The following TBXAS1 variants were observed in gnomAD, a reference collection of about 807,000 sequenced individuals.
TBXAS1 encodes the protein thromboxane A synthase 1.
In TBXAS1, 48 loss-of-function variants were observed where a neutral mutation model predicts 60.7. That is an observed-to-expected ratio of 0.79 (90% CI 0.63 to 1.01). TBXAS1 has a LOEUF of 1.01. TBXAS1 is among the 50% of genes least tolerant of loss of function. The pLI is 0.00. For missense variants in TBXAS1, 685 were observed against 686.3 expected (o/e 1.00, Z 0.02); for synonymous variants, 287 against 269.7 (o/e 1.06, Z -0.63).
At chr7:139,920,966 C>A (rs1806422650) in intron 4 of TBXAS1, among the ~76,000 whole-genome samples, 1 of 152,206 alleles carries the variant, frequency 6.6e-6, no homozygotes, top group South Asian at 2.1e-4. Flanking sequence ...ATCACATGCA[C>A]TGAACAACCA....
intron 5 of TBXAS1, among the ~76,000 whole-genome samples, chr7:139,949,254 C>T (rs1027313674): frequency 6.6e-6 from 1 of 152,270 alleles, no homozygotes; most frequent in East Asian, 1.9e-4. Flanking sequence ...TGTTCCATCT[C>T]TTTTGTTATG....
At chr7:139,942,047 C>G (rs755274918) in intron 5 of TBXAS1, among the ~76,000 whole-genome samples, 1 of 152,134 alleles carries the variant, frequency 6.6e-6, no homozygotes, top group Non-Finnish European at 1.5e-5. Flanking sequence ...TTCTGAGACT[C>G]TTGTAAGATT....
At chr7:139,922,860 C>A (rs1309113948) in intron 4 of TBXAS1, among the ~76,000 whole-genome samples, 1 of 152,106 alleles carries the variant, frequency 6.6e-6, no homozygotes, top group South Asian at 2.1e-4. Context: ...GCCCCAGTAC[C>A]ATTGTTGAAA....
rs1338852438 is a variant in TBXAS1 at position 139,957,532 on chromosome 7, C to T, written c.689-102C>T. 5 of 1,549,866 alleles carry T rather than the reference C, an allele frequency of 3.2e-6. No individual in the cohort carries two copies. In the Admixed American group the frequency reaches 6.8e-5, roughly 21 times the overall value. On this transcript the variant is annotated intron_variant, in intron 7 of 12. Transcript: ENST00000448866. Reference sequence around the variant, plus strand: ...CGGGGAGGGCAGGACTCCAAAACGGCTCCGATTCCAGGCCCGCGTTTGCTT... The same window carrying T: ...CGGGGAGGGCAGGACTCCAAAACGGTTCCGATTCCAGGCCCGCGTTTGCTT...
At chr7:139,951,990 G>GAGAGAAAGAAGGAAAGAAAGAA in intron 5 of TBXAS1, among the ~76,000 whole-genome samples, 2 of 148,348 alleles carry the variant, frequency 1.3e-5, no homozygotes, top group African/African-American at 2.5e-5. Context: ...AAGAAAGAAA[G>GAGAGAAAGAAGGAAAGAAAGAA]AAAGAAAGAA....
At chr7:139,804,569 G>A (rs1797796355) in intron 4 of TBXAS1, among the ~76,000 whole-genome samples, 1 of 152,188 alleles carries the variant, frequency 6.6e-6, no homozygotes, top group African/African-American at 2.4e-5. Context: ...TATATGGTTT[G>A]GCTGTGTCCC....
intron 1 of TBXAS1, among the ~76,000 whole-genome samples, chr7:139,846,686 C>T (rs917933285): frequency 3.3e-5 from 5 of 152,200 alleles, no homozygotes; most frequent in African/African-American, 7.2e-5. Flanking sequence ...TGAGGAGAGG[C>T]GTACTTCAAA....
chr7:139,815,944 G>C (rs1393428903), intron 4 of TBXAS1, among the ~76,000 whole-genome samples: 2 of 152,202 alleles, frequency 1.3e-5, no homozygotes. Flanking sequence ...GATATGGTTT[G>C]GCTCTGTGTC....
At position 139,938,659 on chromosome 7, in the gene TBXAS1, G is replaced by A. The variant is rs550000049; in HGVS notation, c.450+2352G>A. 4.1e-4 allele frequency among the ~76,000 whole-genome samples: 63 copies of A among 152,284 alleles called. 1 individual carries two copies. In the South Asian group the frequency reaches 8.9e-3, roughly 22 times the overall value. ...AGGTTGAGTCAGCCAAGAGAAGACC[G>A]GGGGAAGAGAGGAGAGGTAGGTGAG... On this transcript the variant is annotated intron_variant, in intron 5 of 12. Coordinates refer to ENST00000448866, the MANE Select transcript of TBXAS1 (RefSeq NM_001061.7).
chr7:139,902,610 C>T (rs1304301327), intron 3 of TBXAS1, among the ~76,000 whole-genome samples: 1 of 152,150 alleles, frequency 6.6e-6, no homozygotes, highest in Non-Finnish European at 1.5e-5. Flanking sequence ...TAAGTTTTCA[C>T]GTCTCTGGGA....
chr7:139,833,995 C>T (rs1354426073), intron 1 of TBXAS1, among the ~76,000 whole-genome samples: 2 of 152,180 alleles, frequency 1.3e-5, no homozygotes, highest in Admixed American at 6.5e-5. Flanking sequence ...CATCCAATAA[C>T]CGCAGAATAC....
rs368702243 is a variant in TBXAS1 at position 139,806,084 on chromosome 7, G to A, written c.-80+18658G>A. ...CAAGTAGCTGGGACTACAGGCGCCCGCCACCACGCCTGGCTAATTTTTTTT... is the reference window on the plus strand; with the variant it reads ...CAAGTAGCTGGGACTACAGGCGCCCACCACCACGCCTGGCTAATTTTTTTT... On this transcript the variant is annotated intron_variant, in intron 4 of 16. Transcript: ENST00000336425. Among the ~76,000 whole-genome samples the A allele has an allele frequency of 3.3e-5, 5 of 150,348 alleles. No homozygotes were observed. In the South Asian group the frequency reaches 1.1e-3, roughly 32 times the overall value.
intron 4 of TBXAS1, among the ~76,000 whole-genome samples, chr7:139,923,147 G>A (rs1181208178): frequency 1.3e-5 from 2 of 150,320 alleles, no homozygotes; most frequent in African/African-American, 4.9e-5. Context: ...CCAAGACCCA[G>A]TCTCTACTAA....
intron 4 of TBXAS1, among the ~76,000 whole-genome samples, chr7:139,932,790 C>T (rs1368653443): frequency 6.6e-6 from 1 of 152,204 alleles, no homozygotes; most frequent in Non-Finnish European, 1.5e-5. Flanking sequence ...GGCACAGTGG[C>T]TCATGCCTGT....
At chr7:139,905,124 T>C (rs948422177) in intron 3 of TBXAS1, among the ~76,000 whole-genome samples, 1 of 151,418 alleles carries the variant, frequency 6.6e-6, no homozygotes, top group African/African-American at 2.4e-5. Flanking sequence ...TCTTGTCTGA[T>C]TGTTCTGGCT....
intron 9 of TBXAS1, among the ~76,000 whole-genome samples, chr7:139,981,544 C>A (rs948591833): frequency 8.5e-5 from 13 of 152,244 alleles, no homozygotes; most frequent in Admixed American, 2.6e-4. Context: ...ATTCAAAATA[C>A]AATGCATTCC....
chr7:139,995,997 GTCT>G lies in TBXAS1; in HGVS notation c.1135-11085_1135-11083del, dbSNP rs746788021. On this transcript the variant is annotated intron_variant, in intron 9 of 12. Coordinates refer to ENST00000448866, the MANE Select transcript of TBXAS1 (RefSeq NM_001061.7). The stretch of plus-strand genomic sequence containing the variant: ...CCACAGTTGACAAATATAATGGCGC[GTCT>G]TCTTCTTCATTATTATCATTATTAT... 6.6e-5 allele frequency among the ~76,000 whole-genome samples: 10 copies of G among 152,054 alleles called. No homozygotes were observed. The South Asian group carries it at 8.3e-4, about 13-fold the overall frequency.
intron 1 of TBXAS1, among the ~76,000 whole-genome samples, chr7:139,857,686 T>A (rs929851879): frequency 1.3e-5 from 2 of 151,990 alleles, no homozygotes; most frequent in Non-Finnish European, 2.9e-5. Flanking sequence ...TTTCCCAGGG[T>A]CAGAATCCTG....
At chr7:139,825,694 C>G (rs1223725795), upstream of TBXAS1, among the ~76,000 whole-genome samples, 2 of 152,220 alleles carry the variant, frequency 1.3e-5, no homozygotes, top group Non-Finnish European at 2.9e-5. Flanking sequence ...GACCTAGATC[C>G]TATCCCTAAA....
Sources: gnomAD v4.1 joint callset for allele counts (sites outside exome capture counted in the v4.1 genomes callset) on GRCh38, gnomAD v4.1.1 for gene constraint, MANE v1.5 for transcripts, NCBI Gene and HGNC (gene_info 2026-07-23, HGNC 2026-07-21) for gene names.